NRG3: variants seen among roughly 807,000 people sequenced by gnomAD.
NRG3 encodes pro-neuregulin-3, membrane-bound isoform.
In NRG3, 31 loss-of-function variants were observed where a neutral mutation model predicts 66.9. That is an observed-to-expected ratio of 0.46 (90% CI 0.35 to 0.63). NRG3 has a LOEUF of 0.63. NRG3 is among the 20% of genes least tolerant of loss of function. NRG3 has a pLI of 0.00. For missense variants in NRG3, 910 were observed against 878.9 expected (o/e 1.04, Z -0.45); for synonymous variants, 393 against 359.4 (o/e 1.09, Z -1.06).
intron 1 of NRG3, among the ~76,000 whole-genome samples, chr10:82,313,952 T>C (rs912929436): frequency 6.6e-6 from 1 of 152,190 alleles, no homozygotes; most frequent in Non-Finnish European, 1.5e-5. Context: ...TAACCTGTCT[T>C]CTATTAAAAA....
intron 2 of NRG3, among the ~76,000 whole-genome samples, chr10:82,442,109 G>T (rs1443919293): frequency 6.6e-6 from 1 of 152,212 alleles, no homozygotes; most frequent in East Asian, 1.9e-4. Flanking sequence ...TCACTGACCT[G>T]GTCCCTTGCC....
chr10:82,105,764 TAAC>T (rs1282663023), intron 1 of NRG3, among the ~76,000 whole-genome samples: 2 of 152,252 alleles, frequency 1.3e-5, no homozygotes, highest in East Asian at 3.9e-4. Context: ...ACATAAATGA[TAAC>T]AATCAAGAAC....
chr10:81,930,369 C>T (rs979442171), intron 1 of NRG3, among the ~76,000 whole-genome samples: 4 of 152,064 alleles, frequency 2.6e-5, no homozygotes, highest in Admixed American at 2.6e-4. Context: ...TTCAGGAAAG[C>T]ATTATACTTA....
chr10:82,276,205 A>G (rs1266578213), intron 1 of NRG3, among the ~76,000 whole-genome samples: 1 of 152,010 alleles, frequency 6.6e-6, no homozygotes, highest in African/African-American at 2.4e-5. Context: ...ATATAAATCT[A>G]TTAACACAAA....
chr10:82,009,225 A>C (rs1190882189), intron 1 of NRG3, among the ~76,000 whole-genome samples: 1 of 152,218 alleles, frequency 6.6e-6, no homozygotes, highest in Non-Finnish European at 1.5e-5. Context: ...TCTGAGGTGT[A>C]CAATGACATG....
At position 82,273,535 on chromosome 10, in the gene NRG3, T is replaced by C. The variant is rs114180457; in HGVS notation, c.824-85204T>C. On this transcript the variant is annotated intron_variant, in intron 1 of 8. Transcript: ENST00000372141. ...TAACCCACAGAATTTTAATGGGCCA[T>C]TTGAAATTGCAATAATTGAAGAAAA... is the stretch of plus-strand genomic sequence containing the variant. Among the ~76,000 whole-genome samples, 817 of 152,158 alleles carry C rather than the reference T, an allele frequency of 5.4e-3. 9 individuals are homozygous for C. Among genetic ancestry groups the C allele is most frequent in the African/African-American group, 0.019 (784 of 41,556 alleles).
At chr10:82,496,831 A>G (rs1239036400) in intron 2 of NRG3, among the ~76,000 whole-genome samples, 1 of 152,188 alleles carries the variant, frequency 6.6e-6, no homozygotes, top group African/African-American at 2.4e-5. Context: ...ATATATTCCC[A>G]GAAGTAGAAT....
At chr10:82,222,682 C>T (rs1219860950) in intron 1 of NRG3, among the ~76,000 whole-genome samples, 1 of 151,980 alleles carries the variant, frequency 6.6e-6, no homozygotes, top group Admixed American at 6.6e-5. Context: ...TCCCTGCAAG[C>T]TCTTTATTTT....
At chr10:82,383,597 A>G (rs1425075636) in intron 2 of NRG3, among the ~76,000 whole-genome samples, 1 of 151,958 alleles carries the variant, frequency 6.6e-6, no homozygotes, top group Non-Finnish European at 1.5e-5. Flanking sequence ...TAGAATTGTT[A>G]CTATGTTTTT....
intron 4 of NRG3, among the ~76,000 whole-genome samples, chr10:82,934,423 T>G (rs1185071781): frequency 6.6e-6 from 1 of 152,228 alleles, no homozygotes; most frequent in Non-Finnish European, 1.5e-5. Flanking sequence ...ATGTATGGAT[T>G]GTCTTGCTTC....
chr10:82,022,682 C>A (rs1282596629), intron 1 of NRG3, among the ~76,000 whole-genome samples: 1 of 151,964 alleles, frequency 6.6e-6, no homozygotes, highest in Non-Finnish European at 1.5e-5. Context: ...TGCCTTAGAT[C>A]TGCATTGTCA....
At chr10:82,577,110 C>A (rs1416404318) in intron 2 of NRG3, among the ~76,000 whole-genome samples, 1 of 151,812 alleles carries the variant, frequency 6.6e-6, no homozygotes, top group African/African-American at 2.4e-5. Context: ...TTAGAAATTT[C>A]TTCTCTGAAT....
intron 4 of NRG3, among the ~76,000 whole-genome samples, chr10:82,942,001 G>A (rs1848616562): frequency 1.3e-5 from 2 of 151,566 alleles, no homozygotes; most frequent in South Asian, 4.2e-4. Context: ...AGGTTTGTGT[G>A]TGTGTGTGTG....
chr10:82,349,920 G>A (rs949643678), intron 1 of NRG3, among the ~76,000 whole-genome samples: 1 of 152,172 alleles, frequency 6.6e-6, no homozygotes, highest in African/African-American at 2.4e-5. Context: ...GCCCTGCTTC[G>A]GCTCGCGCAC....
chr10:82,399,795 A>G (rs1343485453), intron 2 of NRG3, among the ~76,000 whole-genome samples: 2 of 152,230 alleles, frequency 1.3e-5, no homozygotes, highest in African/African-American at 4.8e-5. Context: ...GTGGAGATTT[A>G]TATGAGCCAA....
intron 4 of NRG3, among the ~76,000 whole-genome samples, chr10:82,888,797 A>G (rs914591356): frequency 2.0e-5 from 3 of 152,012 alleles, no homozygotes; most frequent in African/African-American, 4.8e-5. Context: ...CAGTGTCAGG[A>G]CAAGGAGTTG....
At chr10:82,186,991 A>G (rs1482508083) in intron 1 of NRG3, among the ~76,000 whole-genome samples, 1 of 152,114 alleles carries the variant, frequency 6.6e-6, no homozygotes. Flanking sequence ...ATCTTACCTG[A>G]TCTTACTTTC....
At chr10:82,702,855 A>C (rs144933723) in intron 2 of NRG3, among the ~76,000 whole-genome samples, 1,631 of 152,282 alleles carry the variant, frequency 0.011, 25 homozygotes, top group African/African-American at 0.038. Flanking sequence ...AATGTGATAA[A>C]CATGCTTTGA....
chr10:82,291,067 G>A (rs2079715514), intron 1 of NRG3, among the ~76,000 whole-genome samples: 1 of 151,878 alleles, frequency 6.6e-6, no homozygotes, highest in African/African-American at 2.4e-5. Context: ...TAGTGCTATT[G>A]CAGTTGAACC....
Sources: allele counts gnomAD v4.1 joint callset (sites outside exome capture counted in the v4.1 genomes callset), GRCh38; gene constraint gnomAD v4.1.1; transcripts MANE v1.5; gene names NCBI Gene and HGNC (gene_info 2026-07-23, HGNC 2026-07-21).